EGLN1: variants seen among roughly 807,000 people sequenced by gnomAD.
The protein encoded by EGLN1 is egl-9 family hypoxia inducible factor 1, also known as egl nine homolog 1.
In EGLN1, 17 loss-of-function variants were observed where a neutral mutation model predicts 38.3. That is an observed-to-expected ratio of 0.44 (90% CI 0.30 to 0.67). The LOEUF is 0.67. Among genes scored for constraint, EGLN1 ranks in the 30% least tolerant of loss-of-function variants. The pLI, the probability that EGLN1 is intolerant of heterozygous loss-of-function variation, is 0.08. For missense variants in EGLN1, 477 were observed against 603.3 expected, an observed-to-expected ratio of 0.79 and a Z score of 2.19; for synonymous variants, 283 against 257.5, an observed-to-expected ratio of 1.10 and a Z score of -0.95.
At chr1:231,404,453 A>G (rs755132015) in intron 1 of EGLN1, among the ~76,000 whole-genome samples, 1 of 152,128 alleles carries the variant, frequency 6.6e-6, no homozygotes, top group Non-Finnish European at 1.5e-5. Context: ...AAACTGTAAA[A>G]CAAATCAAAT....
At chr1:231,418,068 A>G (rs1689129925) in intron 1 of EGLN1, among the ~76,000 whole-genome samples, 1 of 150,792 alleles carries the variant, frequency 6.6e-6, no homozygotes, top group South Asian at 2.1e-4. Context: ...AATACTACAC[A>G]TTTGCTGCAT....
chr1:231,382,795 A>T (rs2474624), intron 1 of EGLN1, among the ~76,000 whole-genome samples: 3,382 of 152,030 alleles, frequency 0.022, 78 homozygotes, highest in African/African-American at 0.053. Context: ...TGGTGGCTCA[A>T]GCCGGTAATC....
At chr1:231,402,319 T>C (rs1459680128) in intron 1 of EGLN1, among the ~76,000 whole-genome samples, 3 of 102,336 alleles carry the variant, frequency 2.9e-5, no homozygotes, top group African/African-American at 8.2e-5. Flanking sequence ...GTCTAATTTA[T>C]CAGTGTTTTT....
intron 1 of EGLN1, chr1:231,420,140 A>G (rs1169733586): frequency 6.6e-6 from 1 of 152,206 alleles, no homozygotes; most frequent in Non-Finnish European, 1.5e-5. Context: ...GTGGAGGAAA[A>G]ACCGCAATAG....
In EGLN1 at chr1:231,422,258, C is replaced by G. The variant is rs1320036809; in HGVS notation, c.-370G>C. On this transcript the variant is annotated 5_prime_UTR_variant, in exon 1 of 5. Transcript: ENST00000366641. ...CGGCCCGGCCCAGGCTGTGGAGGAG[C>G]GCAGGGCATACGGGCGCCACTCGCT... The G allele has an allele frequency of 6.1e-6, 1 of 162,662 alleles. No homozygotes were observed. The highest frequency in any genetic ancestry group is 1.3e-5 in the Non-Finnish European group (1 of 75,804). 10.1% of individuals were successfully genotyped at this position (162,662 alleles called of 1,614,324 possible).
intron 3 of EGLN1, 69 bp downstream of exon 3, chr1:231,370,493 C>T (rs980387090): frequency 1.7e-5 from 26 of 1,546,618 alleles, no homozygotes; most frequent in African/African-American, 1.5e-4. Context: ...AAAGCTTTCA[C>T]GTTTACTCTA....
intron 1 of EGLN1, among the ~76,000 whole-genome samples, chr1:231,399,789 T>G (rs1315010053): frequency 6.6e-6 from 1 of 152,138 alleles, no homozygotes; most frequent in Admixed American, 6.5e-5. Context: ...AACCCCCCTT[T>G]GCATCCTACA....
At chr1:231,397,260 T>C (rs1688552814) in intron 1 of EGLN1, among the ~76,000 whole-genome samples, 3 of 152,380 alleles carry the variant, frequency 2.0e-5, no homozygotes, top group South Asian at 2.1e-4. Flanking sequence ...CTTGATTTTA[T>C]ATTCTATTCC....
intron 1 of EGLN1, among the ~76,000 whole-genome samples, chr1:231,411,176 G>C (rs1248495358): frequency 2.0e-5 from 3 of 152,128 alleles, no homozygotes; most frequent in African/African-American, 7.2e-5. Context: ...GAGGTGACTG[G>C]ATCATGGTGA....
At chr1:231,397,003 TC>T (rs1688546964) in intron 1 of EGLN1, among the ~76,000 whole-genome samples, 1 of 152,224 alleles carries the variant, frequency 6.6e-6, no homozygotes, top group African/African-American at 2.4e-5. Context: ...AGTCTTCTTA[TC>T]TATCTCCCTC....
intron 1 of EGLN1, among the ~76,000 whole-genome samples, chr1:231,413,716 G>T (rs1252630331): frequency 6.6e-6 from 1 of 152,162 alleles, no homozygotes; most frequent in Admixed American, 6.5e-5. Flanking sequence ...GGGCCTGTAT[G>T]TGCAGGGTAC....
intron 1 of EGLN1, among the ~76,000 whole-genome samples, chr1:231,384,427 G>T (rs1018091299): frequency 2.6e-5 from 4 of 151,738 alleles, no homozygotes; most frequent in African/African-American, 7.2e-5. Flanking sequence ...CACGCAATAG[G>T]GAATATAATG....
intron 1 of EGLN1, among the ~76,000 whole-genome samples, chr1:231,417,488 ACCC>A (rs1689114790): frequency 1.3e-5 from 2 of 151,936 alleles, no homozygotes; most frequent in Admixed American, 1.3e-4. Context: ...TTCCTCCTGT[ACCC>A]CCAAGTCAAG....
intron 1 of EGLN1, among the ~76,000 whole-genome samples, chr1:231,411,719 C>A (rs1413530195): frequency 1.3e-5 from 2 of 151,982 alleles, no homozygotes; most frequent in Non-Finnish European, 2.9e-5. Context: ...GGATAGTAGG[C>A]CGGGCACAGT....
chr1:231,387,733 TAAC>T (rs1164949685), intron 1 of EGLN1, among the ~76,000 whole-genome samples: 2 of 152,190 alleles, frequency 1.3e-5, no homozygotes, highest in African/African-American at 4.8e-5. Context: ...AAGATTTTCA[TAAC>T]AACTATTAAG....
intron 1 of EGLN1, among the ~76,000 whole-genome samples, chr1:231,414,784 G>A (rs568502537): frequency 6.8e-6 from 1 of 146,034 alleles, no homozygotes; most frequent in Admixed American, 6.9e-5. Context: ...CAGGCTGGAT[G>A]AAGTGCAGTG....
intron 3 of EGLN1, among the ~76,000 whole-genome samples, chr1:231,367,968 A>G (rs1687699622): frequency 6.6e-6 from 1 of 152,214 alleles, no homozygotes; most frequent in Non-Finnish European, 1.5e-5. Context: ...TGGATCATGA[A>G]GTCAGGACTT....
At chr1:231,394,293 T>C (rs1688461751) in intron 1 of EGLN1, among the ~76,000 whole-genome samples, 1 of 152,202 alleles carries the variant, frequency 6.6e-6, no homozygotes, top group African/African-American at 2.4e-5. Flanking sequence ...TTTCTGTATT[T>C]CTGGTCAGGT....
chr1:231,405,997 T>G (rs1572044757), intron 1 of EGLN1, among the ~76,000 whole-genome samples: 1 of 51,154 alleles, frequency 2.0e-5, no homozygotes, highest in African/African-American at 8.1e-5. Flanking sequence ...CCCACCCAAT[T>G]CCCCAGCCGC....
Sources: gnomAD v4.1 joint callset for allele counts (sites outside exome capture counted in the v4.1 genomes callset) on GRCh38, gnomAD v4.1.1 for gene constraint, MANE v1.5 for transcripts, NCBI Gene and HGNC (gene_info 2026-07-23, HGNC 2026-07-21) for gene names.